Variants in MYO1F observed in about 807,000 individuals in gnomAD.
MYO1F encodes myosin IF.
MYO1F carries 60 observed loss-of-function variants against 146.6 expected under a neutral mutation model. The ratio of observed to expected loss-of-function variants is 0.41; its 90% CI spans 0.33 to 0.51. The LOEUF (loss-of-function observed/expected upper bound fraction) is 0.51, where lower values mean the gene tolerates loss of function less well. MYO1F is among the 20% of genes least tolerant of loss of function. The pLI, the probability that MYO1F is intolerant of heterozygous loss-of-function variation, is 0.25. For synonymous variants in MYO1F, 602 were observed against 602.1 expected (o/e 1.00, Z 0.00); for missense variants, 1,274 against 1,534.3 (o/e 0.83, Z 2.83).
intron 21 of MYO1F, among the ~76,000 whole-genome samples, chr19:8,529,393 T>C (rs1972391742): frequency 6.6e-6 from 1 of 151,874 alleles, no homozygotes; most frequent in Non-Finnish European, 1.5e-5. Flanking sequence ...GCTAGGTGAT[T>C]AGAGTACACG....
intron 1 of MYO1F, among the ~76,000 whole-genome samples, chr19:8,568,163 C>G (rs1449202274): frequency 6.6e-6 from 1 of 152,138 alleles, no homozygotes; most frequent in Non-Finnish European, 1.5e-5. Context: ...GTGGCTCACA[C>G]CTGTGATCCC....
intron 15 of MYO1F, among the ~76,000 whole-genome samples, chr19:8,540,998 T>C (rs1972939217): frequency 6.6e-6 from 1 of 151,984 alleles, no homozygotes; most frequent in Non-Finnish European, 1.5e-5. Flanking sequence ...CTGCCTTTTT[T>C]TTCCCCTCAG....
At chr19:8,543,715 T>C (rs1186954840) in intron 14 of MYO1F, among the ~76,000 whole-genome samples, 34 of 20,268 alleles carry the variant, frequency 1.7e-3, no homozygotes, top group Non-Finnish European at 2.9e-3. Flanking sequence ...GTGCTGGTGG[T>C]GGTGGTGGTG....
rs544230580 is a variant in MYO1F at position 8,557,373 on chromosome 19, T to C, written c.4-1577A>G. Among the ~76,000 whole-genome samples, 362 of 152,294 alleles carry C rather than the reference T, an allele frequency of 2.4e-3. 1 individual carries two copies. The highest frequency in any genetic ancestry group is 8.2e-3 in the African/African-American group (342 of 41,578). The stretch of plus-strand genomic sequence containing the variant: ...GTGCAGTGGTGTGATCACAGCTCCA[T>C]GCAGCCTCAACCTCCTGGGCTCAAG... On this transcript the variant is annotated intron_variant, in intron 1 of 27. Coordinates refer to ENST00000644032, the MANE Select transcript of MYO1F (RefSeq NM_012335.4).
rs570058768 is a variant in MYO1F, at chr19:8,568,285, C to T, written c.3+9022G>A. ...AAAACTACAAAAAATTAGCCAGGTG[C>T]GGTGGCGGGCGCCCGTAGTCCCAGC... On this transcript the variant is annotated intron_variant, in intron 1 of 27. Coordinates refer to ENST00000644032, the MANE Select transcript of MYO1F (RefSeq NM_012335.4). 9.1e-3 allele frequency among the ~76,000 whole-genome samples: 1,376 copies of T among 151,830 alleles called. 19 individuals carry two copies. The highest frequency in any genetic ancestry group is 0.028 in the African/African-American group (1,179 of 41,414).
intron 16 of MYO1F, among the ~76,000 whole-genome samples, chr19:8,539,091 C>A (rs1323888332): frequency 6.6e-6 from 1 of 151,570 alleles, no homozygotes; most frequent in Non-Finnish European, 1.5e-5. Flanking sequence ...ACCAGCCTGG[C>A]CCACATGGTG....
At chr19:8,526,134 C>T (rs962644287) in intron 24 of MYO1F, among the ~76,000 whole-genome samples, 1 of 152,188 alleles carries the variant, frequency 6.6e-6, no homozygotes, top group African/African-American at 2.4e-5. Flanking sequence ...CAAGACCAGC[C>T]TGGCCAAGAT....
rs58706590 is a variant in MYO1F, at chr19:8,549,933, C to T, written c.1101+227G>A. ...CCCCAACCTCAGCCCTCTGAGTAGCCAGAACTACACATGCACACCACTACA... is the reference window on the plus strand; with the variant it reads ...CCCCAACCTCAGCCCTCTGAGTAGCTAGAACTACACATGCACACCACTACA... On this transcript the variant is annotated intron_variant, in intron 10 of 27. Transcript: ENST00000644032. 0.096 allele frequency: 58,334 copies of T among 607,324 alleles called. 6,970 individuals are homozygous for T. The highest frequency in any genetic ancestry group is 0.42 in the African/African-American group (22,565 of 54,256). 37.6% of individuals were successfully genotyped at this position (607,324 alleles called of 1,614,324 possible). A position where few individuals can be genotyped will look rare whatever the true frequency, so the allele number is the denominator to read the frequency against.
At position 8,550,217 on chromosome 19, in the gene MYO1F, G is replaced by A. The variant is rs1568356945; in HGVS notation, c.1044C>T (p.Tyr348=). The change falls in exon 10 of 28, where the codon TAC becomes TAT. Residue 348 remains tyrosine, a synonymous_variant. Transcript: ENST00000644032. ...GCCCCTTGGCCAGGGCATCACGGGTGTAGGCTGCCTGCTCCACGTTGAGGG... is the reference window on the plus strand; with the variant it reads ...GCCCCTTGGCCAGGGCATCACGGGTATAGGCTGCCTGCTCCACGTTGAGGG... The part of the protein sequence containing the change: ...NVTLNVEQAA[Y]TRDALAKGLY... 1 of 1,614,204 alleles carries A rather than the reference G, an allele frequency of 6.2e-7. No homozygotes were observed. The highest frequency in any genetic ancestry group is 1.7e-5 in the Admixed American group (1 of 60,016).
intron 2 of MYO1F, 98 bp downstream of exon 2, chr19:8,555,561 G>A: frequency 3.2e-6 from 5 of 1,544,692 alleles, no homozygotes; most frequent in Non-Finnish European, 4.5e-6. Context: ...TGCTCTCCCG[G>A]CCCATTCCTC....
chr19:8,523,086 C>T (rs1599903621), intron 25 of MYO1F, among the ~76,000 whole-genome samples: 3 of 150,844 alleles, frequency 2.0e-5, no homozygotes, highest in South Asian at 4.2e-4. Flanking sequence ...GGCTGGAGTG[C>T]AGTGGCGCGA....
At position 8,574,257 on chromosome 19, in the gene MYO1F, C is replaced by T. The variant is rs2042162557; in HGVS notation, c.3+3050G>A. 2.0e-5 allele frequency among the ~76,000 whole-genome samples: 3 copies of T among 152,192 alleles called. No homozygotes were observed. In the South Asian group the frequency reaches 6.2e-4, roughly 31 times the overall value. ...ACAACCACCACCACAACCAATGACACCAACAACCCAGCAATGACCACTCGC... is the reference window on the plus strand; with the variant it reads ...ACAACCACCACCACAACCAATGACATCAACAACCCAGCAATGACCACTCGC... On this transcript the variant is annotated intron_variant, in intron 1 of 27. Coordinates refer to ENST00000644032, the MANE Select transcript of MYO1F (RefSeq NM_012335.4).
At chr19:8,571,424 T>C (rs1600063917) in intron 1 of MYO1F, among the ~76,000 whole-genome samples, 1 of 151,722 alleles carries the variant, frequency 6.6e-6, no homozygotes, top group African/African-American at 2.4e-5. Flanking sequence ...TCTCTCTCTT[T>C]TTTTTTTTTA....
intron 27 of MYO1F, among the ~76,000 whole-genome samples, chr19:8,522,158 G>A (rs1162897665): frequency 6.6e-6 from 1 of 152,102 alleles, no homozygotes; most frequent in African/African-American, 2.4e-5. Flanking sequence ...GAGTAGCTGG[G>A]ACTACAGGCG....
At chr19:8,532,990 T>A (rs1484576962) in intron 19 of MYO1F, among the ~76,000 whole-genome samples, 1 of 146,156 alleles carries the variant, frequency 6.8e-6, no homozygotes, top group Non-Finnish European at 1.5e-5. Flanking sequence ...TCACCCAGAG[T>A]GCTTTCCCAA....
chr19:8,546,225 G>T (rs10409154), intron 12 of MYO1F, among the ~76,000 whole-genome samples: 4 of 151,164 alleles, frequency 2.6e-5, no homozygotes, highest in Non-Finnish European at 4.4e-5. Context: ...CCACCACGCC[G>T]GACTAATTTT....
intron 1 of MYO1F, among the ~76,000 whole-genome samples, chr19:8,574,119 T>C (rs1181956483): frequency 1.3e-5 from 2 of 152,054 alleles, no homozygotes; most frequent in African/African-American, 4.8e-5. Flanking sequence ...ATCTCCAGAA[T>C]TTCCAGCTGA....
intron 13 of MYO1F, 114 bp from the exon 14 acceptor site, chr19:8,544,578 G>T: frequency 9.5e-7 from 1 of 1,051,218 alleles, no homozygotes; most frequent in Non-Finnish European, 1.4e-6. Flanking sequence ...GGGAGCTAGA[G>T]CTTTGGGGGT....
chr19:8,543,798 GTGC>G (rs1222709094), intron 14 of MYO1F, among the ~76,000 whole-genome samples: 1 of 10,908 alleles, frequency 9.2e-5, no homozygotes, highest in Non-Finnish European at 1.7e-4. Context: ...GGTGGTGGTG[GTGC>G]TGGTGGTGCT....
Sources: allele counts gnomAD v4.1 joint callset (sites outside exome capture counted in the v4.1 genomes callset), GRCh38; gene constraint gnomAD v4.1.1; transcripts MANE v1.5; gene names NCBI Gene and HGNC (gene_info 2026-07-23, HGNC 2026-07-21).